Variants in FBXW10 observed in about 807,000 individuals in gnomAD.
The protein encoded by FBXW10 is F-box and WD repeat domain containing 10.
FBXW10 carries 68 observed loss-of-function variants against 113.1 expected under a neutral mutation model. The observed-to-expected ratio is 0.60, with a 90% CI of 0.49 to 0.74. FBXW10 has a LOEUF of 0.74. Ranked by LOEUF, FBXW10 falls within the 30% of genes least tolerant of loss-of-function variation. The pLI is 0.00. For synonymous variants in FBXW10, 289 were observed against 481.6 expected (o/e 0.60, Z 5.24); for missense variants, 753 against 1,284.5 (o/e 0.59, Z 6.32).
Position 18,750,028 on chromosome 17 carries a change from C to T in FBXW10, c.890C>T (p.Thr297Ile), listed in dbSNP as rs528013240. The T allele has an allele frequency of 6.8e-6, 11 of 1,613,956 alleles. No homozygotes were observed. The South Asian group carries it at 1.2e-4, about 18-fold the overall frequency. The change falls in exon 4 of 14, where the codon ACC (threonine) becomes ATC (isoleucine). Residue 297 changes from threonine (T) to isoleucine (I), a missense_variant. Physicochemically the swap from Thr to Ile is moderately conservative, Grantham distance 89 (BLOSUM62 -1). Coordinates refer to ENST00000395665, the MANE Select transcript of FBXW10 (RefSeq NM_001267585.2). ...KYILRMLDRHTLNKCASVSQH... is the reference protein window; with the variant it reads ...KYILRMLDRHILNKCASVSQH... ...TTTCCAGGAATGCTGGATAGACACACCCTGAACAAGTGCGCCTCTGTGAGC... is the reference window on the plus strand; with the variant it reads ...TTTCCAGGAATGCTGGATAGACACATCCTGAACAAGTGCGCCTCTGTGAGC...
chr17:18,756,086 G>A lies in FBXW10; in HGVS notation c.1164G>A (p.Thr388=), dbSNP rs752065276. ...GGACTGCATACCAGAACGAGGAAACGCAGCAGGTCCTGATAGAGGAGAGAA... is the reference window on the plus strand; with the variant it reads ...GGACTGCATACCAGAACGAGGAAACACAGCAGGTCCTGATAGAGGAGAGAA... ...NLWTAYQNEE[T]QQVLIEERNV... Residue 388 remains threonine (T), a synonymous_variant, in exon 6 of 14, where the codon ACG becomes ACA. Transcript: ENST00000395665. The A allele has an allele frequency of 3.3e-5, 53 of 1,613,818 alleles. No homozygotes were observed. Among genetic ancestry groups the A allele is most frequent in the Non-Finnish European group, 4.2e-5 (49 of 1,179,860 alleles).
In FBXW10 at chr17:18,762,318, CT is replaced by C. The variant is rs879044366; in HGVS notation, c.1434-2406del. Among the ~76,000 whole-genome samples the C allele has an allele frequency of 1.9e-3, 260 of 136,676 alleles. 1 individual carries two copies. Among genetic ancestry groups the C allele is most frequent in the Middle Eastern group, 4.0e-3 (1 of 248 alleles). The allele number at this position is 136,676 out of a possible 152,430, so 89.7% of individuals were successfully genotyped here. A position where few individuals can be genotyped will look rare whatever the true frequency, so the allele number is the denominator to read the frequency against. ...TCAACTGCAAATGACAATATATTATCTTTTTTTTTTTTTTTTTTGAGATGGA... is the reference window on the plus strand; with the variant it reads ...TCAACTGCAAATGACAATATATTATCTTTTTTTTTTTTTTTTTGAGATGGA... On this transcript the variant is annotated intron_variant, in intron 7 of 13. Coordinates refer to ENST00000395665, the MANE Select transcript of FBXW10 (RefSeq NM_001267585.2).
chr17:18,768,413 C>T (rs1002723092), intron 9 of FBXW10, 121 bp from the exon 10 acceptor site: 40 of 1,326,588 alleles, frequency 3.0e-5, no homozygotes, highest in Admixed American at 1.2e-4. Context: ...AGGTACCTAC[C>T]GAGTGACTGG....
chr17:18,764,166 T>A (rs1168616910), intron 7 of FBXW10, among the ~76,000 whole-genome samples: 1 of 147,904 alleles, frequency 6.8e-6, no homozygotes, highest in Non-Finnish European at 1.5e-5. Context: ...TTAGTCCATT[T>A]AATTCTTCAC....
intron 7 of FBXW10, among the ~76,000 whole-genome samples, chr17:18,764,276 G>A (rs542924824): frequency 1.4e-5 from 2 of 144,740 alleles, no homozygotes; most frequent in East Asian, 2.0e-4. Context: ...ATCTCAGCTC[G>A]CTGCAACCTC....
At chr17:18,753,482 C>T (rs1318531195) in intron 5 of FBXW10, among the ~76,000 whole-genome samples, 1 of 152,172 alleles carries the variant, frequency 6.6e-6, no homozygotes, top group African/African-American at 2.4e-5. Context: ...TCTAATGTAA[C>T]TCGGTCAGAA....
At chr17:18,772,765 G>A (rs1240590047) in intron 12 of FBXW10, 82 bp downstream of exon 12, 7 of 1,226,116 alleles carry the variant, frequency 5.7e-6, no homozygotes, top group African/African-American at 3.0e-5. Context: ...GAGACGGGGA[G>A]GACTGGTTCG....
At position 18,744,141 on chromosome 17, in the gene FBXW10, A is replaced by G; in HGVS notation, c.-104A>G. The G allele has an allele frequency of 1.3e-6, 2 of 1,516,514 alleles. No homozygotes were observed. The highest frequency in any genetic ancestry group is 1.8e-6 in the Non-Finnish European group (2 of 1,134,308). The allele number at this position is 1,516,514 out of a possible 1,614,324, so 93.9% of individuals were successfully genotyped here. On this transcript the variant is annotated 5_prime_UTR_variant, in exon 1 of 14. Coordinates refer to ENST00000395665, the MANE Select transcript of FBXW10 (RefSeq NM_001267585.2). ...GCTCTGGGAGACGTTTGTAATAGAA[A>G]AGGCACAACTGGGGTATTTATTCAT...
At chr17:18,755,645 G>A (rs1449400246) in intron 5 of FBXW10, among the ~76,000 whole-genome samples, 5 of 152,144 alleles carry the variant, frequency 3.3e-5, no homozygotes, top group South Asian at 2.1e-4. Context: ...GTACTATCAC[G>A]TAGATGTAAT....
chr17:18,766,654 C>G, intron 8 of FBXW10, 60 bp from the exon 9 acceptor site: 1 of 1,573,048 alleles, frequency 6.4e-7, no homozygotes, highest in Non-Finnish European at 8.7e-7. Context: ...TCCACTGTAA[C>G]CTTTCCTTTT....
chr17:18,747,381 C>T (rs549221104), intron 1 of FBXW10, among the ~76,000 whole-genome samples: 32 of 152,132 alleles, frequency 2.1e-4, no homozygotes, highest in South Asian at 6.2e-4. Flanking sequence ...GCCAACATGG[C>T]GAAACCCCAT....
intron 8 of FBXW10, 44 bp from the exon 9 acceptor site, chr17:18,766,668 CCT>C: frequency 2.5e-6 from 4 of 1,597,606 alleles, no homozygotes; most frequent in Non-Finnish European, 3.4e-6. Context: ...TCCTTTTCCC[CCT>C]TTTTCCCCAC....
chr17:18,769,775 C>G (rs1189055430), intron 10 of FBXW10, 152 bp from the exon 11 acceptor site: 114 of 851,146 alleles, frequency 1.3e-4, no homozygotes, highest in Non-Finnish European at 1.9e-4. Flanking sequence ...GAAACTCCAT[C>G]TCAAAAAAAA....
chr17:18,774,742 C>T (rs2035673498), intron 12 of FBXW10, among the ~76,000 whole-genome samples: 1 of 152,198 alleles, frequency 6.6e-6, no homozygotes, highest in Non-Finnish European at 1.5e-5. Context: ...TTGCGGTGAG[C>T]CGAGATCGTG....
At chr17:18,754,759 G>C (rs1336789493) in intron 5 of FBXW10, among the ~76,000 whole-genome samples, 111 of 152,248 alleles carry the variant, frequency 7.3e-4, no homozygotes, top group Non-Finnish European at 1.4e-3. Flanking sequence ...GGAGGGAGGA[G>C]GAATGAAGGC....
At position 18,769,926 on chromosome 17, in the gene FBXW10, G is replaced by C; in HGVS notation, c.1848-1G>C. ...CTGCCTGCTACTCTGTTCCCTTCCA[G>C]GGAGGTGCTCGACGTGTCCCTTCTC... On this transcript the variant is annotated splice_acceptor_variant, in intron 10 of 13. Transcript: ENST00000395665. LOFTEE classifies it high-confidence loss of function. 6.2e-7 allele frequency: 1 copy of C among 1,614,164 alleles called. No homozygotes were observed.
At chr17:18,749,504 G>T (rs1377969628) in intron 2 of FBXW10, among the ~76,000 whole-genome samples, 1 of 151,900 alleles carries the variant, frequency 6.6e-6, no homozygotes, top group Non-Finnish European at 1.5e-5. Context: ...CCGAGATCGC[G>T]CCACTACACT....
chr17:18,745,534 G>C (rs2035024771), intron 1 of FBXW10: 1 of 152,036 alleles, frequency 6.6e-6, no homozygotes, highest in Non-Finnish European at 1.5e-5. Context: ...TCCTGCCTCA[G>C]CCTCCCAAGT....
At chr17:18,761,936 T>C (rs1356257034) in intron 7 of FBXW10, among the ~76,000 whole-genome samples, 2 of 152,182 alleles carry the variant, frequency 1.3e-5, no homozygotes, top group Non-Finnish European at 2.9e-5. Context: ...TAAAAGCATG[T>C]ATGTTTCATA....
Sources: gnomAD v4.1 joint callset for allele counts (sites outside exome capture counted in the v4.1 genomes callset) on GRCh38, gnomAD v4.1.1 for gene constraint, MANE v1.5 for transcripts, NCBI Gene and HGNC (gene_info 2026-07-23, HGNC 2026-07-21) for gene names.